ADAMTS17: variants seen among roughly 807,000 people sequenced by gnomAD.
ADAMTS17 encodes the protein A disintegrin and metalloproteinase with thrombospondin motifs 17.
A neutral mutation model predicts 141.5 loss-of-function variants in ADAMTS17; 113 were observed. That is an observed-to-expected ratio of 0.80 (90% confidence interval 0.69 to 0.93). The LOEUF is 0.93. Ranked by LOEUF, ADAMTS17 falls within the 40% of genes least tolerant of loss-of-function variation. ADAMTS17 has a pLI of 0.00. For missense variants in ADAMTS17, 1,659 were observed against 1,517.9 expected, an observed-to-expected ratio of 1.09 and a Z score of -1.54; for synonymous variants, 768 against 630.6, an observed-to-expected ratio of 1.22 and a Z score of -3.27.
At chr15:100,121,161 T>A (rs2037432827) in intron 12 of ADAMTS17, among the ~76,000 whole-genome samples, 1 of 152,050 alleles carries the variant, frequency 6.6e-6, no homozygotes, top group South Asian at 2.1e-4. Flanking sequence ...AATTGCTGAG[T>A]CTGAGAAGTA....
At position 99,976,710 on chromosome 15, in the gene ADAMTS17, C is replaced by T. The variant is rs951326171; in HGVS notation, c.2950-488G>A. 2.9e-5 allele frequency: 7 copies of T among 238,256 alleles called. No individual in the cohort carries two copies. The East Asian group carries it at 3.5e-4, about 12-fold the overall frequency. 14.8% of individuals were successfully genotyped at this position (238,256 alleles called of 1,614,324 possible). A position where few individuals can be genotyped will look rare whatever the true frequency, so the allele number is the denominator to read the frequency against. On this transcript the variant is annotated intron_variant, in intron 20 of 21. Coordinates refer to ENST00000268070, the MANE Select transcript of ADAMTS17 (RefSeq NM_139057.4). ...GCTGGCTCTCCACCGTGAGAGGATA[C>T]CGTGGTCTGTAAATCGGGGAGGGTC...
intron 6 of ADAMTS17, among the ~76,000 whole-genome samples, chr15:100,257,627 T>C (rs1395471549): frequency 1.3e-5 from 2 of 152,258 alleles, no homozygotes; most frequent in East Asian, 3.8e-4. Flanking sequence ...TTGTTTTCTC[T>C]GTACCTGGAT....
chr15:100,021,235 G>A (rs975856620), intron 18 of ADAMTS17, among the ~76,000 whole-genome samples: 4 of 152,178 alleles, frequency 2.6e-5, no homozygotes, highest in African/African-American at 9.7e-5. Context: ...GGGTGTGCGT[G>A]TCACAGACCA....
chr15:100,032,511 G>C (rs771293246), intron 18 of ADAMTS17, among the ~76,000 whole-genome samples: 1 of 152,134 alleles, frequency 6.6e-6, no homozygotes, highest in Middle Eastern at 3.2e-3. Context: ...TTTGGGCTGC[G>C]AGTTTCACTT....
At chr15:100,250,838 C>G (rs1379292326) in intron 7 of ADAMTS17, among the ~76,000 whole-genome samples, 2 of 152,160 alleles carry the variant, frequency 1.3e-5, no homozygotes. Context: ...ATAGGTACAA[C>G]AGACCTCTCT....
chr15:100,304,970 T>C (rs2045172169), intron 3 of ADAMTS17, among the ~76,000 whole-genome samples: 1 of 152,220 alleles, frequency 6.6e-6, no homozygotes, highest in Non-Finnish European at 1.5e-5. Flanking sequence ...AACATTTTCT[T>C]TTCTCTAGCT....
At chr15:100,103,358 C>G (rs187198048) in intron 14 of ADAMTS17, among the ~76,000 whole-genome samples, 1 of 152,320 alleles carries the variant, frequency 6.6e-6, no homozygotes, top group Admixed American at 6.5e-5. Context: ...TTCCTGCAGG[C>G]TTGTTACCTC....
At chr15:100,199,169 T>C in intron 8 of ADAMTS17, 149 bp downstream of exon 8, 1 of 745,782 alleles carries the variant, frequency 1.3e-6, no homozygotes, top group Non-Finnish European at 2.4e-6. Flanking sequence ...TCTGAGGGTT[T>C]GGACCCTAGT....
intron 8 of ADAMTS17, among the ~76,000 whole-genome samples, chr15:100,166,788 G>C (rs1472802261): frequency 6.6e-6 from 1 of 152,174 alleles, no homozygotes; most frequent in Non-Finnish European, 1.5e-5. Context: ...CTAGAAGGCT[G>C]GGCACAATTT....
At chr15:100,193,921 G>A (rs976216161) in intron 8 of ADAMTS17, among the ~76,000 whole-genome samples, 3 of 152,324 alleles carry the variant, frequency 2.0e-5, no homozygotes, top group Non-Finnish European at 2.9e-5. Flanking sequence ...CGTGCGTGGC[G>A]CTGGTGCCAC....
chr15:100,186,199 C>G (rs931602619), intron 8 of ADAMTS17, among the ~76,000 whole-genome samples: 2 of 152,164 alleles, frequency 1.3e-5, no homozygotes, highest in African/African-American at 4.8e-5. Flanking sequence ...GCTGCATTTC[C>G]TCCATCCTGT....
chr15:100,005,967 C>G (rs535287943), intron 18 of ADAMTS17, among the ~76,000 whole-genome samples: 1 of 152,106 alleles, frequency 6.6e-6, no homozygotes, highest in Admixed American at 6.6e-5. Flanking sequence ...CAGCCCCAGC[C>G]CCAGCCCCAG....
chr15:100,004,967 G>C (rs1370576910), intron 18 of ADAMTS17, among the ~76,000 whole-genome samples: 1 of 152,206 alleles, frequency 6.6e-6, no homozygotes, highest in African/African-American at 2.4e-5. Context: ...TGTATGCCAG[G>C]CTGGTCTTGA....
At chr15:100,289,639 C>G (rs1284023172) in intron 3 of ADAMTS17, among the ~76,000 whole-genome samples, 1 of 152,070 alleles carries the variant, frequency 6.6e-6, no homozygotes, top group Non-Finnish European at 1.5e-5. Flanking sequence ...CAAACTGAAT[C>G]CAGCAACACA....
Position 100,250,291 on chromosome 15 carries a change from T to C in ADAMTS17, c.1075+3845A>G, listed in dbSNP as rs573656554. On this transcript the variant is annotated intron_variant, in intron 7 of 21. Coordinates refer to ENST00000268070, the MANE Select transcript of ADAMTS17 (RefSeq NM_139057.4). ...TTACACAACACTGGCAACCCAAAGCTTTCCTAGTTATCTCGAGGTACCAGA... is the reference window on the plus strand; with the variant it reads ...TTACACAACACTGGCAACCCAAAGCCTTCCTAGTTATCTCGAGGTACCAGA... Among the ~76,000 whole-genome samples the C allele has an allele frequency of 2.6e-5, 4 of 152,292 alleles. No homozygotes were observed. In the South Asian group the frequency reaches 8.3e-4, roughly 32 times the overall value.
intron 8 of ADAMTS17, among the ~76,000 whole-genome samples, chr15:100,188,843 A>C (rs2040816602): frequency 6.6e-6 from 1 of 152,260 alleles, no homozygotes; most frequent in African/African-American, 2.4e-5. Flanking sequence ...GCCAAAGAGC[A>C]GGGACCAGAG....
intron 3 of ADAMTS17, among the ~76,000 whole-genome samples, chr15:100,326,383 ACGGTCT>A (rs1457049981): frequency 1.3e-5 from 2 of 152,190 alleles, no homozygotes; most frequent in African/African-American, 4.8e-5. Flanking sequence ...TGGGAGAGCT[ACGGTCT>A]CAAAGAAGTG....
At chr15:100,070,897 C>T (rs2033921613) in intron 15 of ADAMTS17, among the ~76,000 whole-genome samples, 1 of 149,798 alleles carries the variant, frequency 6.7e-6, no homozygotes, top group African/African-American at 2.5e-5. Flanking sequence ...AAGATCAGAG[C>T]AGAACTGAAG....
chr15:100,019,933 C>T (rs927247616), intron 18 of ADAMTS17, among the ~76,000 whole-genome samples: 1 of 152,040 alleles, frequency 6.6e-6, no homozygotes, highest in East Asian at 1.9e-4. Flanking sequence ...TTTTGATCAC[C>T]AAATTCCTAC....
Sources: gnomAD v4.1 joint callset for allele counts (sites outside exome capture counted in the v4.1 genomes callset) on GRCh38, gnomAD v4.1.1 for gene constraint, MANE v1.5 for transcripts, NCBI Gene and HGNC (gene_info 2026-07-23, HGNC 2026-07-21) for gene names.